Variants in DGKH observed in about 807,000 individuals in gnomAD.
The protein encoded by DGKH is diacylglycerol kinase eta, also known as DAG kinase eta.
In DGKH, 90 loss-of-function variants were observed where a neutral mutation model predicts 159.3. That is an observed-to-expected ratio of 0.57 (90% CI 0.48 to 0.67). The LOEUF is 0.67. DGKH is among the 30% of genes least tolerant of loss of function. DGKH has a pLI of 0.00. For missense variants in DGKH, 1,181 were observed against 1,506.1 expected, an observed-to-expected ratio of 0.78 and a Z score of 3.57; for synonymous variants, 536 against 553.8, an observed-to-expected ratio of 0.97 and a Z score of 0.45.
chr13:42,146,962 A>G (rs1955750977), intron 3 of DGKH, among the ~76,000 whole-genome samples: 1 of 152,202 alleles, frequency 6.6e-6, no homozygotes, highest in African/African-American at 2.4e-5. Context: ...GATAGGAGTG[A>G]TGGATTCAGC....
Position 42,199,173 on chromosome 13 carries a change from G to T in DGKH, c.2286-393G>T, listed in dbSNP as rs560443803. On this transcript the variant is annotated intron_variant, in intron 18 of 29. Transcript: ENST00000337343. ...TTTGCTCAATAAATATTTGTCCATT[G>T]TTAAGTGTAGAAATGGAGGGGACTT... 2.6e-5 allele frequency among the ~76,000 whole-genome samples: 4 copies of T among 152,282 alleles called. No homozygotes were observed. In the South Asian group the frequency reaches 8.3e-4, roughly 32 times the overall value.
chr13:42,174,714 C>A (rs1015654829), intron 12 of DGKH, among the ~76,000 whole-genome samples: 1 of 152,090 alleles, frequency 6.6e-6, no homozygotes, highest in African/African-American at 2.4e-5. Flanking sequence ...TTGTTCTTTT[C>A]TTTTTGAGAC....
chr13:42,234,076 T>C lies in DGKH; in HGVS notation c.*4888T>C, dbSNP rs1218766739. 6.6e-6 allele frequency: 1 copy of C among 152,234 alleles called. No homozygotes were observed. The highest frequency in any genetic ancestry group is 1.5e-5 in the Non-Finnish European group (1 of 68,032). 9.4% of individuals were successfully genotyped at this position (152,234 alleles called of 1,614,324 possible). A position where few individuals can be genotyped will look rare whatever the true frequency, so the allele number is the denominator to read the frequency against. ...ATCTTGATGTTCACATGGTTAATAA[T>C]TCCTTAAAATAGTGCCTGAAGAATA... On this transcript the variant is annotated 3_prime_UTR_variant, in exon 30 of 30. Transcript: ENST00000337343.
chr13:42,181,149 C>T (rs1363007475), intron 13 of DGKH, among the ~76,000 whole-genome samples: 1 of 151,778 alleles, frequency 6.6e-6, no homozygotes, highest in African/African-American at 2.4e-5. Context: ...TGATGGTGGG[C>T]GCCTGTAGTC....
Position 42,238,898 on chromosome 13 carries a change from C to A in DGKH, c.*9710C>A, listed in dbSNP as rs1958468047. On this transcript the variant is annotated 3_prime_UTR_variant, in exon 30 of 30. Transcript: ENST00000337343. ...TGACCTAAAGGTTTCTTTGCTAAAT[C>A]TGATATTTATTATAGTATAATATGA... The A allele has an allele frequency of 6.6e-6, 1 of 151,974 alleles. No homozygotes were observed. Among genetic ancestry groups the A allele is most frequent in the Non-Finnish European group, 1.5e-5 (1 of 67,962 alleles). 9.4% of individuals were successfully genotyped at this position (151,974 alleles called of 1,614,324 possible). A position where few individuals can be genotyped will look rare whatever the true frequency, so the allele number is the denominator to read the frequency against.
At chr13:42,126,139 A>G (rs752727883) in intron 1 of DGKH, among the ~76,000 whole-genome samples, 1 of 152,198 alleles carries the variant, frequency 6.6e-6, no homozygotes, top group African/African-American at 2.4e-5. Flanking sequence ...CCATCCAATT[A>G]AAATGAAACA....
rs985448886 is a variant in DGKH at position 42,061,246 on chromosome 13, G to A, written c.192+12281G>A. 5.3e-5 allele frequency among the ~76,000 whole-genome samples: 8 copies of A among 152,238 alleles called. No individual in the cohort carries two copies. In the Middle Eastern group the frequency reaches 0.01, roughly 194 times the overall value. Reference sequence around the variant, plus strand: ...TCTTCTTATGCAACTGGGCTTTCCCGTTGATCTGCGCCATCTTGTCTGCTC... The same window carrying A: ...TCTTCTTATGCAACTGGGCTTTCCCATTGATCTGCGCCATCTTGTCTGCTC... On this transcript the variant is annotated intron_variant, in intron 1 of 29. Coordinates refer to ENST00000337343, the MANE Select transcript of DGKH (RefSeq NM_178009.5).
Position 42,048,716 on chromosome 13 carries a change from C to A in DGKH, c.-58C>A. 8.1e-7 allele frequency: 1 copy of A among 1,237,966 alleles called. No individual in the cohort carries two copies. Among genetic ancestry groups the A allele is most frequent in the Non-Finnish European group, 1.0e-6 (1 of 985,222 alleles). The allele number at this position is 1,237,966 out of a possible 1,614,324, so 76.7% of individuals were successfully genotyped here. A position where few individuals can be genotyped will look rare whatever the true frequency, so the allele number is the denominator to read the frequency against. On this transcript the variant is annotated 5_prime_UTR_variant, in exon 1 of 30. In the 5' UTR this introduces an upstream ATG that the reference lacks. Coordinates refer to ENST00000337343, the MANE Select transcript of DGKH (RefSeq NM_178009.5). The surrounding 1 kb of genome is among the most constrained non-coding windows in gnomAD (Gnocchi z 6.7). ...GCTCCGCTCGGGCAGAGCCCACCCG[C>A]TGACCAACGCCGCCGCCCCCGCCGG...
intron 3 of DGKH, among the ~76,000 whole-genome samples, chr13:42,137,113 T>C (rs1955417543): frequency 6.6e-6 from 1 of 152,190 alleles, no homozygotes; most frequent in Non-Finnish European, 1.5e-5. Flanking sequence ...GTTAATACAG[T>C]TTACTTCATC....
Position 42,210,705 on chromosome 13 carries a change from C to G in DGKH, c.2954C>G (p.Ala985Gly), listed in dbSNP as rs142267622. 17 of 1,612,282 alleles carry G rather than the reference C, an allele frequency of 1.1e-5. No individual in the cohort carries two copies. In the East Asian group the frequency reaches 3.6e-4, roughly 34 times the overall value. The change falls in exon 24 of 30, where the codon GCA becomes GGA. Residue 985 changes from alanine (A) to glycine (G), a missense_variant. This residue lies in a region of DGKH where 335 missense variants were observed against 495.2 expected (regional missense o/e 0.68). Transcript: ENST00000337343. ...TACATCCATCACGCCATTGACTTGGCAACAGAAGAGGTGTCGCAGATGCAG... is the reference window on the plus strand; with the variant it reads ...TACATCCATCACGCCATTGACTTGGGAACAGAAGAGGTGTCGCAGATGCAG... ...HLYIHHAIDL[A>G]TEEVSQMQLC...
chr13:42,211,738 C>G (rs76416563), intron 24 of DGKH, among the ~76,000 whole-genome samples: 17,914 of 152,110 alleles, frequency 0.12, 1,536 homozygotes, highest in East Asian at 0.4. Context: ...AGACTCACAG[C>G]TCCACATGTC....
intron 1 of DGKH, among the ~76,000 whole-genome samples, chr13:42,118,505 A>G (rs554660098): frequency 2.0e-5 from 3 of 152,336 alleles, no homozygotes; most frequent in African/African-American, 4.8e-5. Context: ...TGGTGGGACC[A>G]TAAATATGTG....
chr13:42,040,993 C>T (rs898177971), intron 1 of DGKH, among the ~76,000 whole-genome samples: 5 of 151,664 alleles, frequency 3.3e-5, no homozygotes, highest in African/African-American at 9.6e-5. Flanking sequence ...TTGCTCCCCC[C>T]GCCCGGGCCG....
intron 7 of DGKH, among the ~76,000 whole-genome samples, chr13:42,164,284 A>G (rs9315896): frequency 0.48 from 73,537 of 152,038 alleles, 18,704 homozygotes; most frequent in Non-Finnish European, 0.58. Context: ...CTTATTTAGC[A>G]TTATTATAAA....
At chr13:42,165,652 A>G (rs1291956787) in intron 8 of DGKH, among the ~76,000 whole-genome samples, 2 of 152,168 alleles carry the variant, frequency 1.3e-5, no homozygotes, top group Non-Finnish European at 2.9e-5. Context: ...ATTACTGTAT[A>G]TAAGACTTCT....
rs539790254 is a variant in DGKH at position 42,231,586 on chromosome 13, G to C, written c.*2398G>C. The C allele has an allele frequency of 1.3e-5, 2 of 152,258 alleles. No individual in the cohort carries two copies. Among genetic ancestry groups the C allele is most frequent in the African/African-American group, 2.4e-5 (1 of 41,520 alleles). The allele number at this position is 152,258 out of a possible 1,614,324, so 9.4% of individuals were successfully genotyped here. A position where few individuals can be genotyped will look rare whatever the true frequency, so the allele number is the denominator to read the frequency against. Reference sequence around the variant, plus strand: ...AAAAAAGGAAATGTGAGGGAAAGAAGGGGAAGAACTCTAGCATAAATAATG... The same window carrying C: ...AAAAAAGGAAATGTGAGGGAAAGAACGGGAAGAACTCTAGCATAAATAATG... On this transcript the variant is annotated 3_prime_UTR_variant, in exon 30 of 30. Transcript: ENST00000337343.
At chr13:42,250,354 T>G (rs2138338439) in intron 29 of DGKH, among the ~76,000 whole-genome samples, 1 of 152,328 alleles carries the variant, frequency 6.6e-6, no homozygotes, top group East Asian at 1.9e-4. Context: ...CTTCAATACC[T>G]GTATACATTG....
At chr13:42,148,451 T>C (rs1253752509) in intron 3 of DGKH, among the ~76,000 whole-genome samples, 3 of 152,230 alleles carry the variant, frequency 2.0e-5, no homozygotes, top group African/African-American at 4.8e-5. Context: ...CTCTGTCAGC[T>C]GCTGAAATCT....
intron 1 of DGKH, among the ~76,000 whole-genome samples, chr13:42,099,264 A>G (rs1046849949): frequency 6.6e-6 from 1 of 152,106 alleles, no homozygotes; most frequent in African/African-American, 2.4e-5. Flanking sequence ...CCTTTGTAAC[A>G]GGTCTCAGTT....
Sources: allele counts gnomAD v4.1 joint callset (sites outside exome capture counted in the v4.1 genomes callset), GRCh38; gene constraint gnomAD v4.1.1; regional missense constraint gnomAD v4.1.1; non-coding constraint Gnocchi (gnomAD v3.1); transcripts MANE v1.5; gene names NCBI Gene and HGNC (gene_info 2026-07-23, HGNC 2026-07-21).